HK1: variants seen among roughly 807,000 people sequenced by gnomAD.
HK1 encodes the protein hexokinase-1.
A neutral mutation model predicts 91.6 loss-of-function variants in HK1; 28 were observed. The observed-to-expected ratio is 0.31, with a 90% CI of 0.23 to 0.42. The LOEUF (loss-of-function observed/expected upper bound fraction) is 0.42, where lower values mean the gene tolerates loss of function less well. Among genes scored for constraint, HK1 ranks in the 10% least tolerant of loss-of-function variants. The pLI is 1.00. For synonymous variants in HK1, 430 were observed against 468.1 expected, an observed-to-expected ratio of 0.92 and a Z score of 1.05; for missense variants, 770 against 1,219.8, an observed-to-expected ratio of 0.63 and a Z score of 5.49.
chr10:69,376,904 T>G, intron 7 of HK1, 30 bp from the exon 8 acceptor site: 1 of 1,613,844 alleles, frequency 6.2e-7, no homozygotes, highest in Middle Eastern at 1.7e-4. Flanking sequence ...AGAGGAAGGC[T>G]GACAAGTGCC....
chr10:69,287,002 T>G (rs1343937050), intron 2 of HK1, among the ~76,000 whole-genome samples: 3 of 152,190 alleles, frequency 2.0e-5, no homozygotes, highest in African/African-American at 7.2e-5. Flanking sequence ...TAAAATATTT[T>G]TGTAGACACA....
chr10:69,384,605 A>G, intron 11 of HK1, 124 bp downstream of exon 11: 1 of 1,450,206 alleles, frequency 6.9e-7, no homozygotes, highest in Non-Finnish European at 9.7e-7. Context: ...GCCCAGAAGC[A>G]CCAGATGCTT....
At chr10:69,374,659 G>A (rs1023516278) in intron 7 of HK1, among the ~76,000 whole-genome samples, 1 of 152,222 alleles carries the variant, frequency 6.6e-6, no homozygotes, top group Middle Eastern at 3.2e-3. Flanking sequence ...CTCTAACAGG[G>A]CCTTTAGGGA....
intron 2 of HK1, among the ~76,000 whole-genome samples, chr10:69,345,079 T>G (rs1385982721): frequency 6.6e-6 from 1 of 152,118 alleles, no homozygotes; most frequent in Non-Finnish European, 1.5e-5. Context: ...CTGATGTTCT[T>G]GAAAGATGGG....
rs538680456 is a variant in HK1, at chr10:69,398,125, A to G, written c.2376-470A>G. Among the ~76,000 whole-genome samples, 10 of 152,358 alleles carry G rather than the reference A, an allele frequency of 6.6e-5. 1 individual carries two copies. In the South Asian group the frequency reaches 2.1e-3, roughly 32 times the overall value. ...AAACCTTATCAAAATGTTTCTTTAT[A>G]ATAGCAGAAAATTGCAATTAACTTG... On this transcript the variant is annotated intron_variant, in intron 16 of 17. Transcript: ENST00000359426.
chr10:69,401,351 T>C lies in HK1; in HGVS notation c.*216T>C, dbSNP rs1220019360. On this transcript the variant is annotated 3_prime_UTR_variant, in exon 18 of 18. Coordinates refer to ENST00000359426, the MANE Select transcript of HK1 (RefSeq NM_000188.3). ...CACCCGGATCCCTCCTCACTTGCCCTGCCACTTTGCATGGTTTGATTTTGA... is the reference window on the plus strand; with the variant it reads ...CACCCGGATCCCTCCTCACTTGCCCCGCCACTTTGCATGGTTTGATTTTGA... 4.9e-6 allele frequency: 3 copies of C among 616,260 alleles called. No individual in the cohort carries two copies. The highest frequency in any genetic ancestry group is 8.6e-6 in the Non-Finnish European group (3 of 348,938). The allele number at this position is 616,260 out of a possible 1,614,324, so 38.2% of individuals were successfully genotyped here. A position where few individuals can be genotyped will look rare whatever the true frequency, so the allele number is the denominator to read the frequency against.
chr10:69,348,762 A>T (rs954892544), intron 2 of HK1, among the ~76,000 whole-genome samples: 2 of 152,192 alleles, frequency 1.3e-5, no homozygotes, highest in Admixed American at 1.3e-4. Flanking sequence ...GTGAGCTGAG[A>T]TCACGCCACT....
intron 17 of HK1, 75 bp from the exon 18 acceptor site, chr10:69,400,916 T>G: frequency 6.7e-7 from 1 of 1,499,622 alleles, no homozygotes; most frequent in Non-Finnish European, 9.3e-7. Context: ...GGGCTGTCTG[T>G]GCTTTGGTGT....
chr10:69,335,432 C>T (rs986741531), intron 1 of HK1, among the ~76,000 whole-genome samples: 12 of 152,220 alleles, frequency 7.9e-5, no homozygotes, highest in African/African-American at 2.9e-4. Flanking sequence ...GGCAGCCATG[C>T]TGTTCTTGGG....
At chr10:69,394,581 G>A (rs983351842) in intron 15 of HK1, among the ~76,000 whole-genome samples, 15 of 152,210 alleles carry the variant, frequency 9.9e-5, no homozygotes, top group Admixed American at 9.8e-4. Context: ...CAGGTGTGTT[G>A]TGAAGGAGGA....
At chr10:69,352,168 T>A (rs1488977158) in intron 2 of HK1, among the ~76,000 whole-genome samples, 2 of 152,022 alleles carry the variant, frequency 1.3e-5, no homozygotes, top group East Asian at 3.9e-4. Context: ...AATTTTTGTA[T>A]TTTTAGTAGA....
chr10:69,380,145 G>T lies in HK1; in HGVS notation c.1265+50G>T. The T allele has an allele frequency of 3.5e-6, 5 of 1,431,478 alleles. No individual in the cohort carries two copies. The highest frequency in any genetic ancestry group is 1.1e-5 in the South Asian group (1 of 87,234). The allele number at this position is 1,431,478 out of a possible 1,614,324, so 88.7% of individuals were successfully genotyped here. A position where few individuals can be genotyped will look rare whatever the true frequency, so the allele number is the denominator to read the frequency against. On this transcript the variant is annotated intron_variant, in intron 9 of 17. Transcript: ENST00000359426. The surrounding 1 kb of genome is among the most constrained non-coding windows in gnomAD (Gnocchi z 4.0). ...GGCACTCTGTACCCATTGTGGGTAG[G>T]GACCTTCTCCAGAGATCAGACTTTT...
intron 1 of HK1, among the ~76,000 whole-genome samples, chr10:69,270,745 C>T (rs536989654): frequency 3.9e-5 from 6 of 152,278 alleles, no homozygotes; most frequent in Non-Finnish European, 7.4e-5. Flanking sequence ...TGAGTTCATT[C>T]TCATTTGTCT....
intron 1 of HK1, among the ~76,000 whole-genome samples, chr10:69,329,329 A>AT (rs1411886571): frequency 6.6e-6 from 1 of 151,932 alleles, no homozygotes; most frequent in Non-Finnish European, 1.5e-5. Context: ...TGCCCAGCTA[A>AT]TTTTTGTATT....
chr10:69,380,509 T>C lies in HK1; in HGVS notation c.1265+414T>C, dbSNP rs1839337846. Among the ~76,000 whole-genome samples the C allele has an allele frequency of 6.6e-6, 1 of 152,192 alleles. No homozygotes were observed. The highest frequency in any genetic ancestry group is 1.5e-5 in the Non-Finnish European group (1 of 68,034). On this transcript the variant is annotated intron_variant, in intron 9 of 17. Coordinates refer to ENST00000359426, the MANE Select transcript of HK1 (RefSeq NM_000188.3). This position sits in a 1 kb window ranked among gnomAD's most constrained non-coding sequence, Gnocchi z 4.0. ...TCGGCTCCTCTGGGTGGAATGTGTC[T>C]GTCTCTCGTCCGCATTTCATCAGGA...
rs145258574 is a variant in HK1, at chr10:69,304,077, G to T, written c.27+3216G>T. ...CAAAATATCTCAAGCACTATCTTAG[G>T]CTTTACAATAGTGATGTAATCCCCA... On this transcript the variant is annotated intron_variant, in intron 5 of 21. Coordinates refer to the HK1 transcript ENST00000360289. Among the ~76,000 whole-genome samples the T allele has an allele frequency of 5.9e-5, 9 of 152,206 alleles. No individual in the cohort carries two copies. In the East Asian group the frequency reaches 1.7e-3, roughly 29 times the overall value.
Position 69,379,981 on chromosome 10 carries a change from A to C in HK1, c.1151A>C (p.Asn384Thr). The C allele has an allele frequency of 1.2e-6, 2 of 1,614,082 alleles. No individual in the cohort carries two copies. Among genetic ancestry groups the C allele is most frequent in the Non-Finnish European group, 1.7e-6 (2 of 1,179,978 alleles). ...VCTIVSFRSANLVAATLGAIL... is the reference protein window; with the variant it reads ...VCTIVSFRSATLVAATLGAIL... ...ACCATTGTCTCATTTCGCTCAGCCA[A>C]CTTGGTGGCTGCCACACTGGGCGCC... The change falls in exon 9 of 18, where the codon AAC (asparagine) becomes ACC (threonine). Residue 384 changes from asparagine (N) to threonine (T), a missense_variant. By Grantham distance (65) the Asn-to-Thr change is moderately conservative. Transcript: ENST00000359426.
chr10:69,388,164 G>A (rs747075527), intron 13 of HK1, among the ~76,000 whole-genome samples: 2 of 152,154 alleles, frequency 1.3e-5, no homozygotes, highest in Non-Finnish European at 2.9e-5. Flanking sequence ...TGGGTGCAGT[G>A]ACTCACACCT....
At chr10:69,352,876 A>G (rs1379140207) in intron 2 of HK1, among the ~76,000 whole-genome samples, 1 of 151,894 alleles carries the variant, frequency 6.6e-6, no homozygotes, top group Non-Finnish European at 1.5e-5. Context: ...ATTGTATGCT[A>G]TATTATTATA....
Sources: gnomAD v4.1 joint callset for allele counts (sites outside exome capture counted in the v4.1 genomes callset) on GRCh38, gnomAD v4.1.1 for gene constraint, Gnocchi (gnomAD v3.1) non-coding constraint, MANE v1.5 for transcripts, NCBI Gene and HGNC (gene_info 2026-07-23, HGNC 2026-07-21) for gene names.